Variants in METTL25 observed in about 807,000 individuals in gnomAD.
METTL25 encodes methyltransferase like 25.
A neutral mutation model predicts 71.6 loss-of-function variants in METTL25; 64 were observed. The observed-to-expected ratio is 0.89, with a 90% CI of 0.73 to 1.10. The LOEUF (loss-of-function observed/expected upper bound fraction) is 1.10, where lower values mean the gene tolerates loss of function less well. METTL25 is among the 50% of genes least tolerant of loss of function. The probability of loss-of-function intolerance (pLI) is 0.00; values close to 1 mark genes in which losing one functional copy is unlikely to be tolerated. For synonymous variants in METTL25, 287 were observed against 250.3 expected, an observed-to-expected ratio of 1.15 and a Z score of -1.38; for missense variants, 807 against 707.0, an observed-to-expected ratio of 1.14 and a Z score of -1.60.
At chr12:82,384,609 C>T (rs1884781588) in intron 1 of METTL25, among the ~76,000 whole-genome samples, 1 of 150,512 alleles carries the variant, frequency 6.6e-6, no homozygotes, top group South Asian at 2.1e-4. Flanking sequence ...GAAAACTACC[C>T]TTTTTTAAAA....
chr12:82,434,620 A>G, intron 6 of METTL25, 75 bp from the exon 7 acceptor site: 1 of 1,192,586 alleles, frequency 8.4e-7, no homozygotes. Context: ...AGTTTTACAA[A>G]CTCTTATACA....
intron 1 of METTL25, 23 bp downstream of exon 1, chr12:82,358,847 C>T: frequency 6.8e-7 from 1 of 1,462,210 alleles, no homozygotes; most frequent in Non-Finnish European, 9.4e-7. Context: ...GTAGGCGGGG[C>T]GGGAAGGGAG....
In METTL25 at chr12:82,415,853, C is replaced by T. The variant is rs139314723; in HGVS notation, c.1279+12723C>T. On this transcript the variant is annotated intron_variant, in intron 5 of 11. Coordinates refer to ENST00000248306, the MANE Select transcript of METTL25 (RefSeq NM_032230.3). The stretch of plus-strand genomic sequence containing the variant: ...CAGAAATAATGTTTAACCAGATATC[C>T]GGGCATCCCATGGCTCAGTCAAGTT... 9.9e-3 allele frequency among the ~76,000 whole-genome samples: 1,512 copies of T among 152,210 alleles called. 24 individuals carry two copies. Among genetic ancestry groups the T allele is most frequent in the African/African-American group, 0.034 (1,423 of 41,552 alleles).
intron 9 of METTL25, among the ~76,000 whole-genome samples, chr12:82,465,621 T>C (rs1892181095): frequency 6.6e-6 from 1 of 151,912 alleles, no homozygotes; most frequent in Admixed American, 6.6e-5. Flanking sequence ...CCTCGTATAA[T>C]GAGTTAGTAA....
chr12:82,391,807 C>T (rs954989169), intron 3 of METTL25, among the ~76,000 whole-genome samples: 2 of 149,976 alleles, frequency 1.3e-5, no homozygotes, highest in Admixed American at 1.3e-4. Context: ...TTTGAAGAAC[C>T]TCTATACTGT....
Position 82,431,002 on chromosome 12 carries a change from T to C in METTL25, c.1374+15T>C. 1 of 1,511,412 alleles carries C rather than the reference T, an allele frequency of 6.6e-7. No homozygotes were observed. The highest frequency in any genetic ancestry group is 1.2e-5 in the South Asian group (1 of 85,106). 93.6% of individuals were successfully genotyped at this position (1,511,412 alleles called of 1,614,324 possible). A position where few individuals can be genotyped will look rare whatever the true frequency, so the allele number is the denominator to read the frequency against. The stretch of plus-strand genomic sequence containing the variant: ...CAGCATGTTTGGTATGGTTATATTT[T>C]TTCCTGGAGTAACAGCTTTATCCAG... On this transcript the variant is annotated intron_variant, in intron 6 of 11. Coordinates refer to ENST00000248306, the MANE Select transcript of METTL25 (RefSeq NM_032230.3).
intron 11 of METTL25, among the ~76,000 whole-genome samples, chr12:82,478,210 T>G (rs1054074290): frequency 2.0e-5 from 3 of 151,842 alleles, no homozygotes; most frequent in Non-Finnish European, 4.4e-5. Flanking sequence ...TTTTACTAGA[T>G]TCTCACATCC....
chr12:82,360,600 C>A (rs1881725879), intron 1 of METTL25, among the ~76,000 whole-genome samples: 1 of 151,996 alleles, frequency 6.6e-6, no homozygotes, highest in Non-Finnish European at 1.5e-5. Context: ...AAGAAAAAAA[C>A]CGAGCCATGA....
chr12:82,463,939 T>TTTG (rs963308184), intron 9 of METTL25, among the ~76,000 whole-genome samples: 1 of 151,592 alleles, frequency 6.6e-6, no homozygotes, highest in African/African-American at 2.4e-5. Context: ...GGTGTTTGGG[T>TTTG]TTGTTGTTGT....
chr12:82,424,207 T>TA (rs1369246246), intron 5 of METTL25, among the ~76,000 whole-genome samples: 1 of 152,058 alleles, frequency 6.6e-6, no homozygotes. Flanking sequence ...TCTGCAGCCA[T>TA]AAAAAATGAT....
At chr12:82,461,539 T>A (rs945804568) in intron 9 of METTL25, among the ~76,000 whole-genome samples, 44 of 149,266 alleles carry the variant, frequency 2.9e-4, no homozygotes, top group African/African-American at 1.1e-3. Context: ...ATATAACTTA[T>A]TAACAGACAT....
At chr12:82,362,034 C>G (rs1882003184) in intron 1 of METTL25, among the ~76,000 whole-genome samples, 2 of 152,198 alleles carry the variant, frequency 1.3e-5, no homozygotes, top group African/African-American at 4.8e-5. Flanking sequence ...GCGCAATGCA[C>G]AGTTTGGAAA....
chr12:82,436,076 G>A (rs1235238469), intron 7 of METTL25, among the ~76,000 whole-genome samples: 1 of 151,276 alleles, frequency 6.6e-6, no homozygotes, highest in South Asian at 2.1e-4. Flanking sequence ...GGGGAAAAAA[G>A]AGAGCTTTTA....
chr12:82,389,397 C>G (rs540359529), intron 2 of METTL25, among the ~76,000 whole-genome samples: 3 of 152,072 alleles, frequency 2.0e-5, no homozygotes, highest in Non-Finnish European at 1.5e-5. Context: ...TTTTTTTCCC[C>G]ACTTTTCTAT....
intron 5 of METTL25, among the ~76,000 whole-genome samples, chr12:82,418,155 T>G (rs944082842): frequency 6.6e-6 from 1 of 152,142 alleles, no homozygotes; most frequent in African/African-American, 2.4e-5. Context: ...TATGCAAGTG[T>G]AAAAGAGAAA....
chr12:82,395,299 G>T (rs932991503), intron 3 of METTL25, among the ~76,000 whole-genome samples: 2 of 152,046 alleles, frequency 1.3e-5, no homozygotes, highest in African/African-American at 2.4e-5. Context: ...AACCAAAGAG[G>T]TAATGAGGGA....
chr12:82,407,136 T>C lies in METTL25; in HGVS notation c.1279+4006T>C, dbSNP rs1469263508. Among the ~76,000 whole-genome samples the C allele has an allele frequency of 2.0e-5, 3 of 152,290 alleles. No individual in the cohort carries two copies. The East Asian group carries it at 5.8e-4, about 29-fold the overall frequency. On this transcript the variant is annotated intron_variant, in intron 5 of 11. Transcript: ENST00000248306. ...AATCTGTTTTCCAAAAATCTCTTCTTGGTTCTCTTAGTTTCTTTCTTTAGT... is the reference window on the plus strand; with the variant it reads ...AATCTGTTTTCCAAAAATCTCTTCTCGGTTCTCTTAGTTTCTTTCTTTAGT...
At chr12:82,380,202 A>T (rs927232564) in intron 1 of METTL25, among the ~76,000 whole-genome samples, 1 of 152,128 alleles carries the variant, frequency 6.6e-6, no homozygotes, top group Non-Finnish European at 1.5e-5. Context: ...TTTCCCACTT[A>T]TGAGTGAGAA....
At chr12:82,447,441 T>C (rs1890836132) in intron 8 of METTL25, among the ~76,000 whole-genome samples, 1 of 152,202 alleles carries the variant, frequency 6.6e-6, no homozygotes, top group African/African-American at 2.4e-5. Context: ...GCTACATGCA[T>C]CAATGTGGTT....
Sources: gnomAD v4.1 joint callset for allele counts (sites outside exome capture counted in the v4.1 genomes callset) on GRCh38, gnomAD v4.1.1 for gene constraint, MANE v1.5 for transcripts, NCBI Gene and HGNC (gene_info 2026-07-23, HGNC 2026-07-21) for gene names.